The following CRYL1 variants were observed in gnomAD, a reference collection of about 807,000 sequenced individuals.
CRYL1 encodes lambda-crystallin homolog.
A neutral mutation model predicts 36.6 loss-of-function variants in CRYL1; 29 were observed. The observed-to-expected ratio is 0.79, with a 90% confidence interval of 0.59 to 1.08. The LOEUF (loss-of-function observed/expected upper bound fraction) is 1.08, where lower values mean the gene tolerates loss of function less well. CRYL1 is among the 50% of genes least tolerant of loss of function. The pLI is 0.00. For missense variants in CRYL1, 411 were observed against 407.9 expected (o/e 1.01, Z -0.06); for synonymous variants, 152 against 151.5 (o/e 1.00, Z -0.02).
chr13:20,434,691 C>T (rs1024219638), intron 4 of CRYL1, among the ~76,000 whole-genome samples: 1 of 148,964 alleles, frequency 6.7e-6, no homozygotes, highest in Middle Eastern at 3.2e-3. Context: ...TGTCCTTTTG[C>T]TCTTCACAAT....
intron 2 of CRYL1, among the ~76,000 whole-genome samples, chr13:20,497,617 C>T (rs987802943): frequency 4.0e-5 from 6 of 150,390 alleles, no homozygotes; most frequent in African/African-American, 1.5e-4. Context: ...CAACTACATA[C>T]ATACCACATA....
At chr13:20,409,463 T>C (rs2031464104) in intron 6 of CRYL1, among the ~76,000 whole-genome samples, 1 of 151,952 alleles carries the variant, frequency 6.6e-6, no homozygotes, top group Non-Finnish European at 1.5e-5. Context: ...ATTCAGGACA[T>C]AGGCATGGGC....
chr13:20,511,976 A>G (rs770435438), intron 2 of CRYL1, among the ~76,000 whole-genome samples: 2 of 152,234 alleles, frequency 1.3e-5, no homozygotes, highest in African/African-American at 4.8e-5. Flanking sequence ...CTCTCACATG[A>G]GTGCTAAACC....
chr13:20,486,494 A>C, intron 3 of CRYL1, among the ~76,000 whole-genome samples: 1 of 145,976 alleles, frequency 6.9e-6, no homozygotes, highest in African/African-American at 2.6e-5. Flanking sequence ...GTCAAAAGTC[A>C]AGACAAGCTC....
chr13:20,505,710 G>A (rs189518506), intron 2 of CRYL1, among the ~76,000 whole-genome samples: 1 of 152,354 alleles, frequency 6.6e-6, no homozygotes, highest in Admixed American at 6.5e-5. Context: ...AAAACAGGGT[G>A]TCAGGGAAGA....
intron 6 of CRYL1, among the ~76,000 whole-genome samples, chr13:20,408,484 A>G (rs1363149905): frequency 1.3e-5 from 2 of 152,208 alleles, no homozygotes; most frequent in Non-Finnish European, 2.9e-5. Flanking sequence ...CCCCAGGGAC[A>G]AGGCTGAGCG....
At chr13:20,475,630 A>G (rs575441545) in intron 3 of CRYL1, among the ~76,000 whole-genome samples, 5 of 152,304 alleles carry the variant, frequency 3.3e-5, no homozygotes, top group South Asian at 4.1e-4. Context: ...ATGGATGCAC[A>G]GTAGTTCCCA....
chr13:20,494,061 T>C (rs1408245876), intron 2 of CRYL1, among the ~76,000 whole-genome samples: 1 of 152,244 alleles, frequency 6.6e-6, no homozygotes, highest in Non-Finnish European at 1.5e-5. Flanking sequence ...ACAACACATT[T>C]GAATTTTTCA....
chr13:20,419,960 G>T (rs1593431893), intron 5 of CRYL1, among the ~76,000 whole-genome samples: 4 of 152,240 alleles, frequency 2.6e-5, no homozygotes, highest in African/African-American at 7.2e-5. Context: ...AGGCCAAGAT[G>T]AGACTTTAAT....
At chr13:20,406,653 T>A (rs1189473516) in intron 6 of CRYL1, among the ~76,000 whole-genome samples, 1 of 152,140 alleles carries the variant, frequency 6.6e-6, no homozygotes, top group African/African-American at 2.4e-5. Context: ...TTACTTCACT[T>A]TTGCTAGTTG....
intron 1 of CRYL1, among the ~76,000 whole-genome samples, chr13:20,522,346 C>A (rs1472874597): frequency 7.0e-6 from 1 of 143,808 alleles, no homozygotes; most frequent in East Asian, 2.3e-4. Flanking sequence ...AGCAAGAATC[C>A]GTCTCAAAAA....
In CRYL1 at chr13:20,404,222, A is replaced by G; in HGVS notation, c.867T>C (p.Pro289=). 1.2e-6 allele frequency: 2 copies of G among 1,613,008 alleles called. No individual in the cohort carries two copies. Among genetic ancestry groups the G allele is most frequent in the Non-Finnish European group, 1.7e-6 (2 of 1,179,012 alleles). The change falls in exon 8 of 8, where the codon CCT becomes CCC. Residue 289 remains proline (P), a synonymous_variant. Coordinates refer to ENST00000298248, the MANE Select transcript of CRYL1 (RefSeq NM_015974.3). ...TGGCAGCTAAGTGCTCCGGGTCATC[A>G]GGGACCTTCATGCACATGTCCTGCA... ...KVNQDMCMKV[P]DDPEHLAARR... is the part of the protein sequence containing the mutation.
At position 20,427,913 on chromosome 13, in the gene CRYL1, C is replaced by A. The variant is rs1012021831; in HGVS notation, c.633+4189G>T. ...AACTTTATGCTCTTAAGTTCAACGACTTAGAAGAAATGGACCAATTTCTCA... is the reference window on the plus strand; with the variant it reads ...AACTTTATGCTCTTAAGTTCAACGAATTAGAAGAAATGGACCAATTTCTCA... On this transcript the variant is annotated intron_variant, in intron 5 of 7. Coordinates refer to ENST00000298248, the MANE Select transcript of CRYL1 (RefSeq NM_015974.3). Among the ~76,000 whole-genome samples the A allele has an allele frequency of 5.4e-4, 82 of 151,700 alleles. 6 individuals carry two copies. The highest frequency in any genetic ancestry group is 4.4e-5 in the Non-Finnish European group (3 of 67,950).
Position 20,524,283 on chromosome 13 carries a change from A to C in CRYL1, c.41+1471T>G, listed in dbSNP as rs557313818. Among the ~76,000 whole-genome samples the C allele has an allele frequency of 1.2e-4, 18 of 152,244 alleles. No homozygotes were observed. The South Asian group carries it at 3.7e-3, about 32-fold the overall frequency. ...ATGCGTGTAAAAACTGTGTGTGTATATATATGTGTGAGTGTATATATATAC... is the reference window on the plus strand; with the variant it reads ...ATGCGTGTAAAAACTGTGTGTGTATCTATATGTGTGAGTGTATATATATAC... On this transcript the variant is annotated intron_variant, in intron 1 of 7. Coordinates refer to ENST00000298248, the MANE Select transcript of CRYL1 (RefSeq NM_015974.3).
rs1051974529 is a variant in CRYL1 at position 20,431,279 on chromosome 13, T to C, written c.633+823A>G. 4.1e-6 allele frequency: 4 copies of C among 985,290 alleles called. No individual in the cohort carries two copies. In the African/African-American group the frequency reaches 5.2e-5, roughly 13 times the overall value. The allele number at this position is 985,290 out of a possible 1,614,324, so 61.0% of individuals were successfully genotyped here. A position where few individuals can be genotyped will look rare whatever the true frequency, so the allele number is the denominator to read the frequency against. On this transcript the variant is annotated intron_variant, in intron 5 of 7. Transcript: ENST00000298248. ...CCAAACAAGGAACTGTGGAGCCAGG[T>C]GCAGATGACTCGAGCCCGAGCAGCG...
chr13:20,511,302 C>T (rs1011103865), intron 2 of CRYL1, among the ~76,000 whole-genome samples: 4 of 151,938 alleles, frequency 2.6e-5, no homozygotes, highest in Non-Finnish European at 2.9e-5. Context: ...ATGTTGCCCA[C>T]ACTGGTCTTG....
chr13:20,489,233 C>T (rs781745413), intron 3 of CRYL1, 137 bp downstream of exon 3: 13 of 1,017,626 alleles, frequency 1.3e-5, no homozygotes, highest in Non-Finnish European at 1.7e-5. Context: ...TTTCCTATCA[C>T]ATAAAACAAA....
intron 1 of CRYL1, among the ~76,000 whole-genome samples, chr13:20,524,851 C>T (rs1036459257): frequency 1.3e-5 from 2 of 151,938 alleles, no homozygotes; most frequent in African/African-American, 2.4e-5. Flanking sequence ...GTCTCCACAC[C>T]GGGTTGTACA....
intron 2 of CRYL1, among the ~76,000 whole-genome samples, chr13:20,500,347 T>C (rs1182027196): frequency 6.6e-6 from 1 of 152,236 alleles, no homozygotes; most frequent in Non-Finnish European, 1.5e-5. Flanking sequence ...TTTGTGAGTA[T>C]TCTTAATTCA....
Sources: gnomAD v4.1 joint callset for allele counts (sites outside exome capture counted in the v4.1 genomes callset) on GRCh38, gnomAD v4.1.1 for gene constraint, MANE v1.5 for transcripts, NCBI Gene and HGNC (gene_info 2026-07-23, HGNC 2026-07-21) for gene names.